Variants in PER1 observed in about 807,000 individuals in gnomAD.
PER1 encodes period circadian protein homolog 1.
Under a neutral mutation model 125.9 loss-of-function variants are expected in PER1, and 87 were observed. That is an observed-to-expected ratio of 0.69 (90% CI 0.58 to 0.83). PER1 has a LOEUF of 0.83. Ranked by LOEUF, PER1 falls within the 40% of genes least tolerant of loss-of-function variation. The pLI, the probability that PER1 is intolerant of heterozygous loss-of-function variation, is 0.00. For synonymous variants in PER1, 801 were observed against 714.7 expected (o/e 1.12, Z -1.93); for missense variants, 1,775 against 1,722.8 (o/e 1.03, Z -0.54).
intron 4 of PER1, 35 bp downstream of exon 4, chr17:8,149,936 G>GC: frequency 6.2e-7 from 1 of 1,613,932 alleles, no homozygotes; most frequent in African/African-American, 1.3e-5. Flanking sequence ...GGGAGCCCAG[G>GC]CCCAGGCCAT....
Position 8,143,452 on chromosome 17 carries a change from G to GGGGA in PER1, c.2885_2886insTCCC (p.Ser964ProfsTer34). 1 of 1,608,186 alleles carries GGGGA rather than the reference G, an allele frequency of 6.2e-7. No homozygotes were observed. Among genetic ancestry groups the GGGGA allele is most frequent in the Non-Finnish European group, 8.5e-7 (1 of 1,176,688 alleles). The stretch of plus-strand genomic sequence containing the variant: ...AGTCCGGGCGGTGAGGAGGACTCGG[G>GGGGA]GCGAGGGCGGGCAAGGATGGAGAAG... On this transcript the variant is annotated frameshift_variant, in exon 19 of 23. Coordinates refer to ENST00000317276, the MANE Select transcript of PER1 (RefSeq NM_002616.3). LOFTEE classifies it high-confidence loss of function.
rs369771955 is a variant in PER1 at position 8,146,112 on chromosome 17, C to A, written c.2064G>T (p.Gly688=). ...KKDPPSAALS[G]EGATPRKEPV... is the part of the protein sequence containing the mutation. ...GCTCCTTCCGTGGGGTGGCCCCCTC[C>A]CCAGACAGCGCTGCTGACGGCGGAT... Residue 688 remains glycine (G), a synonymous_variant, in exon 17 of 23, where the codon GGG becomes GGT. Transcript: ENST00000317276. The A allele has an allele frequency of 6.2e-7, 1 of 1,609,574 alleles. No individual in the cohort carries two copies. The highest frequency in any genetic ancestry group is 1.1e-5 in the South Asian group (1 of 90,402).
Position 8,148,047 on chromosome 17 carries a change from AG to A in PER1, c.1183del (p.Leu395CysfsTer58). On this transcript the variant is annotated frameshift_variant, in exon 10 of 23. Transcript: ENST00000317276. LOFTEE classifies it high-confidence loss of function. ...GGGTCGGTCCTCAGGATGCAGGAACAGGAGCACTGGGGCCCCCAGGAGGTCC... is the reference window on the plus strand; with the variant it reads ...GGGTCGGTCCTCAGGATGCAGGAACAGAGCACTGGGGCCCCCAGGAGGTCC... ...PQDLLGAPVL[L>X]FLHPEDRPLM... 6.2e-7 allele frequency: 1 copy of A among 1,613,068 alleles called. No individual in the cohort carries two copies. The highest frequency in any genetic ancestry group is 8.5e-7 in the Non-Finnish European group (1 of 1,179,550).
At position 8,141,006 on chromosome 17, in the gene PER1, G is replaced by T; in HGVS notation, c.*62C>A. The T allele has an allele frequency of 2.6e-6, 4 of 1,536,042 alleles. No homozygotes were observed. The highest frequency in any genetic ancestry group is 3.5e-6 in the Non-Finnish European group (4 of 1,131,846). On this transcript the variant is annotated 3_prime_UTR_variant, in exon 23 of 23. Coordinates refer to ENST00000317276, the MANE Select transcript of PER1 (RefSeq NM_002616.3). ...TGGTCTAGCCACATCTGAGTTCTGA[G>T]AATTGGGACATAGGAGAAGAAAGCC...
At chr17:8,142,863 G>A (rs1326001507) in intron 19 of PER1, 28 bp from the exon 20 acceptor site, 1 of 1,539,484 alleles carries the variant, frequency 6.5e-7, no homozygotes, top group Non-Finnish European at 8.8e-7. Context: ...GGCAAGGAGG[G>A]ATGGAGGGGT....
intron 1 of PER1, 149 bp from the exon 2 acceptor site, chr17:8,150,994 G>C: frequency 2.2e-6 from 1 of 445,120 alleles, no homozygotes. Context: ...TGGGGAGTCA[G>C]GATGTCTCCT....
Position 8,140,695 on chromosome 17 carries a change from GGAGA to G in PER1, c.*369_*372del. 1 of 253,334 alleles carries G rather than the reference GGAGA, an allele frequency of 3.9e-6. No homozygotes were observed. The highest frequency in any genetic ancestry group is 5.6e-5 in the East Asian group (1 of 17,884). 15.7% of individuals were successfully genotyped at this position (253,334 alleles called of 1,614,324 possible). A position where few individuals can be genotyped will look rare whatever the true frequency, so the allele number is the denominator to read the frequency against. ...TCTCCTCCCATCTGGGGAGGAGGTG[GGAGA>G]GAGAGCTGTCTCCCCGCAATAAATA... On this transcript the variant is annotated 3_prime_UTR_variant, in exon 23 of 23. Transcript: ENST00000317276.
chr17:8,142,638 G>C lies in PER1; in HGVS notation c.3259+11C>G. The C allele has an allele frequency of 6.2e-7, 1 of 1,612,958 alleles. No individual in the cohort carries two copies. Among genetic ancestry groups the C allele is most frequent in the Non-Finnish European group, 8.5e-7 (1 of 1,179,260 alleles). On this transcript the variant is annotated intron_variant, in intron 20 of 22. Coordinates refer to ENST00000317276, the MANE Select transcript of PER1 (RefSeq NM_002616.3). Reference sequence around the variant, plus strand: ...CCCTACCCTGGGAGATGCTGGAGGCGGGGTACTCACGAGTGATGCTGGCTG... The same window carrying C: ...CCCTACCCTGGGAGATGCTGGAGGCCGGGTACTCACGAGTGATGCTGGCTG...
At position 8,141,227 on chromosome 17, in the gene PER1, C is replaced by T. The variant is rs377443829; in HGVS notation, c.3714G>A (p.Gln1238=). 5.0e-6 allele frequency: 8 copies of T among 1,614,100 alleles called. No individual in the cohort carries two copies. The highest frequency in any genetic ancestry group is 1.3e-5 in the African/African-American group (1 of 74,950). The change falls in exon 23 of 23, where the codon CAG becomes CAA. Residue 1238 remains glutamine (Q), a synonymous_variant. Transcript: ENST00000317276. ...CACCACTGCCGCCACCGCTGCTGCC[C>T]TGCTCGCCTCCACCCTCTTCCATGG... is the stretch of plus-strand genomic sequence containing the variant. ...LEPMEEGGGE[Q]GSSGGGSGEG...
Position 8,143,502 on chromosome 17 carries a change from G to C in PER1, c.2836C>G (p.Pro946Ala). Reference sequence around the variant, plus strand: ...GGGGAGTGCGAGGCAGGAGTGGGAGGCCCTTCAGCAGGGGTCTGGAGTGCC... The same window carrying C: ...GGGGAGTGCGAGGCAGGAGTGGGAGCCCCTTCAGCAGGGGTCTGGAGTGCC... ...YGALQTPAEG[P>A]PTPASHSPSP... The change falls in exon 19 of 23, where the codon CCT becomes GCT. Residue 946 changes from proline (P) to alanine (A), a missense_variant. Transcript: ENST00000317276. 6.3e-7 allele frequency: 1 copy of C among 1,575,856 alleles called. No individual in the cohort carries two copies. Among genetic ancestry groups the C allele is most frequent in the Non-Finnish European group, 8.6e-7 (1 of 1,158,904 alleles).
chr17:8,147,666 C>T lies in PER1; in HGVS notation c.1388+8G>A. 6.2e-7 allele frequency: 1 copy of T among 1,613,960 alleles called. No individual in the cohort carries two copies. Among genetic ancestry groups the T allele is most frequent in the Non-Finnish European group, 8.5e-7 (1 of 1,180,020 alleles). On this transcript the variant is annotated splice_region_variant and intron_variant, in intron 11 of 22. Transcript: ENST00000317276. ...CCCAACGCCAGCTCGGGGGCATGGC[C>T]CACTTACGTGCGTACTTTGTGGCGG...
chr17:8,145,128 C>T (rs376310525), intron 17 of PER1, 135 bp from the exon 18 acceptor site: 146 of 973,938 alleles, frequency 1.5e-4, no homozygotes, highest in Non-Finnish European at 1.7e-4. Flanking sequence ...TCTCCATGTA[C>T]GTTTCTTGGT....
chr17:8,149,873 T>C lies in PER1; in HGVS notation c.533A>G (p.Asn178Ser), dbSNP rs1440575228. The C allele has an allele frequency of 4.3e-6, 7 of 1,614,028 alleles. No individual in the cohort carries two copies. The highest frequency in any genetic ancestry group is 1.1e-5 in the South Asian group (1 of 91,094). ...ALACVKQVQA[N>S]QEYYQQWSLE... ...GCTCCACTGCTGGTAGTATTCCTGG[T>C]TGGCTGCAGAGTGGAGGCAGTGAGG... is the stretch of plus-strand genomic sequence containing the variant. The change falls in exon 5 of 23, where the codon AAC becomes AGC. Residue 178 changes from asparagine to serine, a missense_variant. Physicochemically the swap from Asn to Ser is conservative, Grantham distance 46. Transcript: ENST00000317276.
At position 8,140,934 on chromosome 17, in the gene PER1, G is replaced by T; in HGVS notation, c.*134C>A. ...CCCTGGATCCTAGGCTGGTGATGGG[G>T]GTCCGGCCCCCTATGGTGGGAGAAG... On this transcript the variant is annotated 3_prime_UTR_variant, in exon 23 of 23. Coordinates refer to ENST00000317276, the MANE Select transcript of PER1 (RefSeq NM_002616.3). 9.7e-7 allele frequency: 1 copy of T among 1,032,254 alleles called. No homozygotes were observed. The highest frequency in any genetic ancestry group is 1.4e-6 in the Non-Finnish European group (1 of 700,988). 63.9% of individuals were successfully genotyped at this position (1,032,254 alleles called of 1,614,324 possible). A position where few individuals can be genotyped will look rare whatever the true frequency, so the allele number is the denominator to read the frequency against.
intron 18 of PER1, chr17:8,144,142 G>A: frequency 2.0e-6 from 1 of 490,684 alleles, no homozygotes; most frequent in Non-Finnish European, 3.6e-6. Context: ...GGAAGATGGA[G>A]GCATGCTGGC....
rs200398465 is a variant in PER1 at position 8,141,172 on chromosome 17, C to G, written c.3769G>C (p.Gly1257Arg). ...TCCTGAGAGCTTGAAGCCTTGGCCC[C>G]GCCTTGGGCCTCCTCGCAGCCCTCT... Reference protein sequence around the residue: ...EGEGCEEAQGGAKASSSQDLA... With the variant: ...EGEGCEEAQGRAKASSSQDLA... The change falls in exon 23 of 23, where the codon GGG becomes CGG. Residue 1257 changes from glycine (G) to arginine (R), a missense_variant. Coordinates refer to ENST00000317276, the MANE Select transcript of PER1 (RefSeq NM_002616.3). 1.9e-6 allele frequency: 3 copies of G among 1,614,202 alleles called. No individual in the cohort carries two copies. The highest frequency in any genetic ancestry group is 2.5e-6 in the Non-Finnish European group (3 of 1,180,036).
chr17:8,147,582 T>C lies in PER1; in HGVS notation c.1389-4A>G. 1.2e-6 allele frequency: 2 copies of C among 1,613,140 alleles called. No homozygotes were observed. The highest frequency in any genetic ancestry group is 1.1e-5 in the South Asian group (1 of 91,054). On this transcript the variant is annotated splice_region_variant and splice_polypyrimidine_tract_variant and intron_variant, in intron 11 of 22. Coordinates refer to ENST00000317276, the MANE Select transcript of PER1 (RefSeq NM_002616.3). ...CACGTCCTCATTCAGGGGGGCCCTG[T>C]AGAGTGAAGAGTGAATCCAGCCCTG...
chr17:8,152,235 T>C (rs944495379), intron 1 of PER1, 102 bp downstream of exon 1: 1 of 152,334 alleles, frequency 6.6e-6, no homozygotes, highest in Non-Finnish European at 1.5e-5. Context: ...AGGACGACAG[T>C]GTGCCCTCTG....
chr17:8,150,730 A>G lies in PER1; in HGVS notation c.-24T>C, dbSNP rs1210984356. 9 of 1,510,658 alleles carry G rather than the reference A, an allele frequency of 6.0e-6. No individual in the cohort carries two copies. The African/African-American group carries it at 1.3e-4, about 21-fold the overall frequency. The allele number at this position is 1,510,658 out of a possible 1,614,324, so 93.6% of individuals were successfully genotyped here. A position where few individuals can be genotyped will look rare whatever the true frequency, so the allele number is the denominator to read the frequency against. ...ATGTCTGGGCCATGGGGAGAACAGA[A>G]CAGAGAAGGCAGAGAGGCCACCACG... On this transcript the variant is annotated 5_prime_UTR_variant, in exon 2 of 23. Transcript: ENST00000317276.
Sources: gnomAD v4.1 joint callset for allele counts on GRCh38, gnomAD v4.1.1 for gene constraint, MANE v1.5 for transcripts, NCBI Gene and HGNC (gene_info 2026-07-23, HGNC 2026-07-21) for gene names.